The following PLXDC2 variants were observed in gnomAD, a reference collection of about 807,000 sequenced individuals.
PLXDC2 encodes plexin domain containing 2.
A neutral mutation model predicts 68.9 loss-of-function variants in PLXDC2; 40 were observed. The observed-to-expected ratio is 0.58, with a 90% CI of 0.45 to 0.76. PLXDC2 has a LOEUF of 0.76. Ranked by LOEUF, PLXDC2 falls within the 30% of genes least tolerant of loss-of-function variation. PLXDC2 has a pLI of 0.00. For synonymous variants in PLXDC2, 243 were observed against 234.2 expected (o/e 1.04, Z -0.34); for missense variants, 644 against 661.9 (o/e 0.97, Z 0.30).
chr10:19,937,610 G>C (rs1833748356), intron 1 of PLXDC2, among the ~76,000 whole-genome samples: 1 of 144,500 alleles, frequency 6.9e-6, no homozygotes, highest in Non-Finnish European at 1.5e-5. Context: ...GACAGAGGCT[G>C]TATTTTTCAT....
At chr10:19,837,568 T>G (rs887200595) in intron 1 of PLXDC2, among the ~76,000 whole-genome samples, 1 of 152,094 alleles carries the variant, frequency 6.6e-6, no homozygotes, top group Admixed American at 6.6e-5. Context: ...AATGCTAAGG[T>G]GGTTACATAG....
chr10:19,962,877 C>T (rs887508918), intron 1 of PLXDC2, among the ~76,000 whole-genome samples: 1 of 149,696 alleles, frequency 6.7e-6, no homozygotes, highest in African/African-American at 2.5e-5. Flanking sequence ...GTAGTCCCAG[C>T]TGCTCGGGAG....
chr10:20,219,315 A>AT (rs1321275867), intron 12 of PLXDC2, among the ~76,000 whole-genome samples: 1 of 152,172 alleles, frequency 6.6e-6, no homozygotes, highest in African/African-American at 2.4e-5. Context: ...TGTGACACCA[A>AT]TTCCCAATGA....
At chr10:20,132,697 C>A (rs1833883130) in intron 4 of PLXDC2, among the ~76,000 whole-genome samples, 1 of 151,810 alleles carries the variant, frequency 6.6e-6, no homozygotes, top group Non-Finnish European at 1.5e-5. Context: ...TTTTTCCATC[C>A]TTTCACTTTC....
Position 20,035,943 on chromosome 10 carries a change from A to G in PLXDC2, c.325-10926A>G, listed in dbSNP as rs968776762. Among the ~76,000 whole-genome samples the G allele has an allele frequency of 5.9e-5, 9 of 152,176 alleles. No homozygotes were observed. In the South Asian group the frequency reaches 1.2e-3, roughly 21 times the overall value. ...TTAAAATTATACATAGAAGTCAGTT[A>G]CCAATTTTTTGGTAAGAAATAGATC... is the stretch of plus-strand genomic sequence containing the variant. On this transcript the variant is annotated intron_variant, in intron 2 of 13. Coordinates refer to ENST00000377252, the MANE Select transcript of PLXDC2 (RefSeq NM_032812.9).
In PLXDC2 at chr10:20,180,184, G is replaced by A. The variant is rs7908872; in HGVS notation, c.1061+2775G>A. Among the ~76,000 whole-genome samples the A allele has an allele frequency of 3.5e-3, 533 of 152,030 alleles. 3 individuals are homozygous for A. Among genetic ancestry groups the A allele is most frequent in the African/African-American group, 0.012 (504 of 41,528 alleles). On this transcript the variant is annotated intron_variant, in intron 9 of 13. Coordinates refer to ENST00000377252, the MANE Select transcript of PLXDC2 (RefSeq NM_032812.9). ...AAGATTACTGGGGAAAAGAGAGTTGGTGAGGCATATGAATGAGAAAGAAAT... is the reference window on the plus strand; with the variant it reads ...AAGATTACTGGGGAAAAGAGAGTTGATGAGGCATATGAATGAGAAAGAAAT...
intron 4 of PLXDC2, among the ~76,000 whole-genome samples, chr10:20,133,633 C>T (rs1021799995): frequency 2.6e-5 from 4 of 152,130 alleles, no homozygotes; most frequent in Non-Finnish European, 5.9e-5. Context: ...TCAAATTTCT[C>T]GCTATGTCTT....
intron 5 of PLXDC2, among the ~76,000 whole-genome samples, chr10:20,144,836 G>C (rs891708013): frequency 1.3e-5 from 2 of 152,150 alleles, no homozygotes; most frequent in African/African-American, 2.4e-5. Context: ...TGATTCTAAT[G>C]ACCAAGTTTT....
At chr10:19,840,178 A>G (rs115317106) in intron 1 of PLXDC2, among the ~76,000 whole-genome samples, 2,014 of 152,194 alleles carry the variant, frequency 0.013, 58 homozygotes, top group African/African-American at 0.046. Flanking sequence ...TAATATCTAT[A>G]TATAGTTGTG....
chr10:19,869,472 G>A (rs958755647), intron 1 of PLXDC2, among the ~76,000 whole-genome samples: 3 of 127,102 alleles, frequency 2.4e-5, no homozygotes, highest in Non-Finnish European at 5.1e-5. Context: ...AGAGAAAGGG[G>A]GGGGGGGGAG....
intron 2 of PLXDC2, among the ~76,000 whole-genome samples, chr10:20,040,400 C>G (rs1390163538): frequency 6.6e-6 from 1 of 152,108 alleles, no homozygotes; most frequent in Non-Finnish European, 1.5e-5. Context: ...CATGCTAATA[C>G]CATTTTTTGT....
chr10:20,271,743 AC>A (rs966861428), intron 13 of PLXDC2, among the ~76,000 whole-genome samples: 3 of 152,132 alleles, frequency 2.0e-5, no homozygotes, highest in African/African-American at 7.2e-5. Context: ...GCCTGGGTGA[AC>A]TACAGAGGCT....
chr10:19,837,255 T>A (rs1484383569), intron 1 of PLXDC2, among the ~76,000 whole-genome samples: 1 of 152,160 alleles, frequency 6.6e-6, no homozygotes, highest in Non-Finnish European at 1.5e-5. Flanking sequence ...TTATGCAAGT[T>A]TGAAATTACA....
chr10:20,043,016 A>C (rs1000557837), intron 2 of PLXDC2, among the ~76,000 whole-genome samples: 11 of 152,202 alleles, frequency 7.2e-5, no homozygotes, highest in African/African-American at 2.4e-4. Context: ...AAAGAAAATG[A>C]AAATCTTTGT....
chr10:20,031,416 G>A (rs1009729015), intron 2 of PLXDC2, among the ~76,000 whole-genome samples: 6 of 151,990 alleles, frequency 3.9e-5, no homozygotes, highest in African/African-American at 1.2e-4. Flanking sequence ...CAAGGAAGAT[G>A]TAGCAGCACA....
At chr10:19,883,911 T>TTTTTTTTTTTTTTTTTTTTTTTTGG in intron 1 of PLXDC2, among the ~76,000 whole-genome samples, 1 of 136,856 alleles carries the variant, frequency 7.3e-6, no homozygotes, top group Non-Finnish European at 1.6e-5. Context: ...TTTTTTTTTT[T>TTTTTTTTTTTTTTTTTTTTTTTTGG]AGCAGACAGG....
Position 19,950,349 on chromosome 10 carries a change from G to A in PLXDC2, c.113-51426G>A, listed in dbSNP as rs11011696. On this transcript the variant is annotated intron_variant, in intron 1 of 13. Transcript: ENST00000377252. ...CAAAATCAAGGTACAAAAATCATTA[G>A]CATTTCTATACACCAATGTGTTCAA... 1.1e-4 allele frequency among the ~76,000 whole-genome samples: 16 copies of A among 152,234 alleles called. No homozygotes were observed. The East Asian group carries it at 3.1e-3, about 29-fold the overall frequency.
chr10:19,872,432 A>G (rs1286833322), intron 1 of PLXDC2, among the ~76,000 whole-genome samples: 1 of 152,234 alleles, frequency 6.6e-6, no homozygotes, highest in African/African-American at 2.4e-5. Context: ...GTGGCCTCAT[A>G]AGGAGAATCA....
Position 19,838,103 on chromosome 10 carries a change from C to T in PLXDC2, c.112+20912C>T, listed in dbSNP as rs115981258. Among the ~76,000 whole-genome samples the T allele has an allele frequency of 5.9e-3, 893 of 152,078 alleles. 10 individuals carry two copies. The highest frequency in any genetic ancestry group is 0.03 in the South Asian group (146 of 4,814). ...AGGCTCCAACTCCTGGGGCTCAAACCGTCTTTCCACCCCAGACTCCCAATA... is the reference window on the plus strand; with the variant it reads ...AGGCTCCAACTCCTGGGGCTCAAACTGTCTTTCCACCCCAGACTCCCAATA... On this transcript the variant is annotated intron_variant, in intron 1 of 13. Transcript: ENST00000377252.
Sources: allele counts gnomAD v4.1 joint callset (sites outside exome capture counted in the v4.1 genomes callset), GRCh38; gene constraint gnomAD v4.1.1; transcripts MANE v1.5; gene names NCBI Gene and HGNC (gene_info 2026-07-23, HGNC 2026-07-21).